The following CNTN1 variants were observed in gnomAD, a reference collection of about 807,000 sequenced individuals.
CNTN1 encodes the protein contactin-1.
In CNTN1, 38 loss-of-function variants were observed where a neutral mutation model predicts 126.4. The observed-to-expected ratio is 0.30, with a 90% CI of 0.23 to 0.39. The LOEUF is 0.39. Ranked by LOEUF, CNTN1 falls within the 10% of genes least tolerant of loss-of-function variation. The pLI is 1.00. For synonymous variants in CNTN1, 413 were observed against 422.6 expected (o/e 0.98, Z 0.28); for missense variants, 1,009 against 1,248.4 (o/e 0.81, Z 2.89).
rs1011637403 is a variant in CNTN1 at position 41,071,659 on chromosome 12, G to C, written c.*1624G>C. 6.6e-6 allele frequency: 1 copy of C among 151,992 alleles called. No individual in the cohort carries two copies. Among genetic ancestry groups the C allele is most frequent in the African/African-American group, 2.4e-5 (1 of 41,358 alleles). 9.4% of individuals were successfully genotyped at this position (151,992 alleles called of 1,614,324 possible). On this transcript the variant is annotated 3_prime_UTR_variant, in exon 24 of 24. Coordinates refer to ENST00000551295, the MANE Select transcript of CNTN1 (RefSeq NM_001843.4). ...TTTCATTAGTTTACATTTAACTCTG[G>C]TATAAAATGAAACTTTTAAAAATAA...
chr12:40,846,163 A>C lies in CNTN1; in HGVS notation c.-76-62194A>C, dbSNP rs116342424. On this transcript the variant is annotated intron_variant, in intron 1 of 23. Coordinates refer to ENST00000551295, the MANE Select transcript of CNTN1 (RefSeq NM_001843.4). ...GGACAGAGCAAATTCTCCAGTAATT[A>C]ATAAATAAATGGCAGGGATTGGGGT... 9.0e-3 allele frequency among the ~76,000 whole-genome samples: 1,371 copies of C among 152,282 alleles called. 19 individuals carry two copies. The highest frequency in any genetic ancestry group is 0.031 in the African/African-American group (1,300 of 41,558).
At chr12:40,783,111 G>A (rs1939869436) in intron 1 of CNTN1, among the ~76,000 whole-genome samples, 2 of 151,880 alleles carry the variant, frequency 1.3e-5, no homozygotes, top group Non-Finnish European at 2.9e-5. Context: ...TGCTTTTAAA[G>A]TACCAGTGGG....
chr12:41,028,110 C>A lies in CNTN1; in HGVS notation c.2823+141C>A, dbSNP rs1949073276. ...GCAGTGGTACAATCTTGGCTCATTG[C>A]AGCCTCCACTTCCTGGGTTCAAGTG... On this transcript the variant is annotated intron_variant, in intron 22 of 23. Transcript: ENST00000551295. 9.2e-6 allele frequency: 6 copies of A among 651,758 alleles called. No homozygotes were observed. In the South Asian group the frequency reaches 9.7e-5, roughly 11 times the overall value. 40.4% of individuals were successfully genotyped at this position (651,758 alleles called of 1,614,324 possible).
intron 1 of CNTN1, among the ~76,000 whole-genome samples, chr12:40,748,866 T>G (rs185996163): frequency 6.6e-6 from 1 of 152,248 alleles, no homozygotes; most frequent in Non-Finnish European, 1.5e-5. Context: ...GAGAAAATGC[T>G]TTGACAATAA....
At chr12:41,022,842 G>A (rs1948951773) in intron 20 of CNTN1, among the ~76,000 whole-genome samples, 1 of 152,008 alleles carries the variant, frequency 6.6e-6, no homozygotes, top group South Asian at 2.1e-4. Flanking sequence ...TCCAGAGAAC[G>A]GTTGATTAAA....
At chr12:40,712,216 G>C (rs191383365) in intron 1 of CNTN1, among the ~76,000 whole-genome samples, 145 of 152,042 alleles carry the variant, frequency 9.5e-4, no homozygotes, top group African/African-American at 3.2e-3. Context: ...AATTAACACT[G>C]TTCAATTTTT....
intron 1 of CNTN1, among the ~76,000 whole-genome samples, chr12:40,877,203 G>A (rs1204814051): frequency 2.6e-5 from 4 of 152,162 alleles, no homozygotes; most frequent in Non-Finnish European, 5.9e-5. Context: ...CTCAGTGAAG[G>A]TCAGGCATAT....
chr12:40,860,581 T>C (rs754941709), intron 1 of CNTN1, among the ~76,000 whole-genome samples: 2 of 152,062 alleles, frequency 1.3e-5, no homozygotes, highest in Non-Finnish European at 2.9e-5. Flanking sequence ...TAATGTCTCA[T>C]AGAACTCAAA....
intron 1 of CNTN1, among the ~76,000 whole-genome samples, chr12:40,748,901 C>T (rs749672846): frequency 2.6e-5 from 4 of 151,832 alleles, no homozygotes; most frequent in African/African-American, 7.3e-5. Context: ...ATTTTAAGTG[C>T]GATATATATT....
chr12:40,744,565 C>A (rs1480778077), intron 1 of CNTN1, among the ~76,000 whole-genome samples: 2 of 152,070 alleles, frequency 1.3e-5, no homozygotes, highest in Non-Finnish European at 2.9e-5. Flanking sequence ...TGCTACAAAT[C>A]TTTGCAAGAA....
chr12:40,736,837 C>T (rs981198799), intron 1 of CNTN1, among the ~76,000 whole-genome samples: 1 of 151,930 alleles, frequency 6.6e-6, no homozygotes, highest in Non-Finnish European at 1.5e-5. Flanking sequence ...AAAGGAAAAA[C>T]AATGGCTAAC....
chr12:40,745,656 T>C (rs1034466665), intron 1 of CNTN1, among the ~76,000 whole-genome samples: 5 of 152,184 alleles, frequency 3.3e-5, no homozygotes, highest in African/African-American at 7.2e-5. Context: ...GCCAGCCTCT[T>C]AGTCAATTCT....
intron 4 of CNTN1, among the ~76,000 whole-genome samples, chr12:40,919,161 A>C (rs1399261872): frequency 1.3e-5 from 2 of 152,122 alleles, no homozygotes; most frequent in Non-Finnish European, 1.5e-5. Context: ...GATATGGATA[A>C]ATTTTTATAT....
intron 23 of CNTN1, 110 bp from the exon 24 acceptor site, chr12:41,069,849 C>G: frequency 1.2e-6 from 1 of 816,308 alleles, no homozygotes; most frequent in South Asian, 1.4e-5. Context: ...TGTGAAAGGA[C>G]CCATTTGTTT....
intron 1 of CNTN1, among the ~76,000 whole-genome samples, chr12:40,809,419 C>T (rs778911745): frequency 7.2e-5 from 11 of 151,782 alleles, no homozygotes; most frequent in Non-Finnish European, 7.4e-5. Flanking sequence ...AAAATGTGTC[C>T]CAAAGTATGC....
intron 1 of CNTN1, among the ~76,000 whole-genome samples, chr12:40,902,852 CT>C (rs1361688237): frequency 6.6e-6 from 1 of 152,072 alleles, no homozygotes; most frequent in Non-Finnish European, 1.5e-5. Context: ...AGATGGAGGT[CT>C]GTCCAGCAGA....
chr12:40,846,925 T>G (rs1463064807), intron 1 of CNTN1, among the ~76,000 whole-genome samples: 1 of 152,122 alleles, frequency 6.6e-6, no homozygotes, highest in Non-Finnish European at 1.5e-5. Context: ...TGGAGTGCAG[T>G]GGTGCGATCT....
intron 1 of CNTN1, among the ~76,000 whole-genome samples, chr12:40,704,787 A>G (rs1941696363): frequency 6.6e-6 from 1 of 152,188 alleles, no homozygotes; most frequent in Non-Finnish European, 1.5e-5. Flanking sequence ...ATAAAATGCT[A>G]TTCCCTGGAA....
intron 1 of CNTN1, among the ~76,000 whole-genome samples, chr12:40,795,469 G>A (rs11178422): frequency 0.28 from 42,232 of 151,370 alleles, 6,000 homozygotes; most frequent in East Asian, 0.42. Flanking sequence ...GTGTGTATAT[G>A]TGAACCTATA....
Sources: gnomAD v4.1 joint callset for allele counts (sites outside exome capture counted in the v4.1 genomes callset) on GRCh38, gnomAD v4.1.1 for gene constraint, MANE v1.5 for transcripts, NCBI Gene and HGNC (gene_info 2026-07-23, HGNC 2026-07-21) for gene names.